Variants in ESRRG observed in about 807,000 individuals in gnomAD.
The protein encoded by ESRRG is estrogen related receptor gamma, also known as estrogen-related receptor gamma.
Under a neutral mutation model 44.0 loss-of-function variants are expected in ESRRG, and 13 were observed. The ratio of observed to expected loss-of-function variants is 0.30; its 90% CI spans 0.19 to 0.47. The LOEUF is 0.47. Among genes scored for constraint, ESRRG ranks in the 20% least tolerant of loss-of-function variants. The pLI is 1.00. For missense variants in ESRRG, 395 were observed against 580.6 expected (o/e 0.68, Z 3.29); for synonymous variants, 215 against 214.6 (o/e 1.00, Z -0.02).
At chr1:216,715,596 T>A (rs1232129515) in intron 1 of ESRRG, among the ~76,000 whole-genome samples, 1 of 152,166 alleles carries the variant, frequency 6.6e-6, no homozygotes, top group Non-Finnish European at 1.5e-5. Flanking sequence ...CCTCACAGTT[T>A]ATTTTTTTTC....
chr1:216,599,719 T>C (rs1306014396), intron 3 of ESRRG, among the ~76,000 whole-genome samples: 1 of 151,946 alleles, frequency 6.6e-6, no homozygotes, highest in Non-Finnish European at 1.5e-5. Flanking sequence ...TAACAAATGA[T>C]CCTTTCAAAT....
intron 2 of ESRRG, among the ~76,000 whole-genome samples, chr1:216,831,176 G>T (rs1271189664): frequency 6.6e-6 from 1 of 151,828 alleles, no homozygotes; most frequent in African/African-American, 2.4e-5. Flanking sequence ...GGAGGAGGAG[G>T]AGTTACGTGT....
intron 2 of ESRRG, among the ~76,000 whole-genome samples, chr1:216,655,570 G>T (rs1439827785): frequency 6.6e-6 from 1 of 152,180 alleles, no homozygotes; most frequent in Non-Finnish European, 1.5e-5. Context: ...AGTGGTCCTA[G>T]CATCTTCACA....
chr1:216,541,538 T>C (rs540788090), intron 5 of ESRRG, among the ~76,000 whole-genome samples: 3 of 150,168 alleles, frequency 2.0e-5, no homozygotes, highest in South Asian at 2.1e-4. Context: ...GGAAGCTCGC[T>C]CAGCTATTTG....
chr1:216,768,733 C>T (rs1014561881), intron 2 of ESRRG, among the ~76,000 whole-genome samples: 5 of 152,100 alleles, frequency 3.3e-5, no homozygotes, highest in Non-Finnish European at 7.4e-5. Flanking sequence ...CCAAGCAATC[C>T]TCCCTTCTTG....
chr1:217,056,441 A>C (rs1038075153), intron 1 of ESRRG, among the ~76,000 whole-genome samples: 2 of 152,100 alleles, frequency 1.3e-5, no homozygotes, highest in Non-Finnish European at 2.9e-5. Context: ...ATACTAAAAC[A>C]AATGCAAAAG....
chr1:217,036,623 TGGACACA>T (rs2082941875), intron 1 of ESRRG, among the ~76,000 whole-genome samples: 1 of 152,044 alleles, frequency 6.6e-6, no homozygotes, highest in South Asian at 2.1e-4. Context: ...TTAGAACACA[TGGACACA>T]TAGAGGAGAA....
intron 3 of ESRRG, among the ~76,000 whole-genome samples, chr1:216,628,099 G>C (rs1381162413): frequency 6.6e-6 from 1 of 152,144 alleles, no homozygotes; most frequent in Non-Finnish European, 1.5e-5. Context: ...ATATCTTCAT[G>C]ATTAGAATAA....
chr1:216,967,948 C>G (rs1384918514), intron 1 of ESRRG, among the ~76,000 whole-genome samples: 2 of 152,162 alleles, frequency 1.3e-5, no homozygotes, highest in East Asian at 1.9e-4. Context: ...AATAAGTGTA[C>G]AGTGGTATTT....
chr1:216,780,072 G>T (rs780204342), intron 2 of ESRRG, among the ~76,000 whole-genome samples: 2 of 151,278 alleles, frequency 1.3e-5, no homozygotes, highest in Non-Finnish European at 2.9e-5. Context: ...CTATGGCTGA[G>T]ATCTAAAAAA....
chr1:216,755,095 A>G (rs780955918), intron 2 of ESRRG, among the ~76,000 whole-genome samples: 3 of 152,020 alleles, frequency 2.0e-5, no homozygotes, highest in African/African-American at 4.8e-5. Context: ...CATAGCGGAT[A>G]TTTTATAGGT....
intron 1 of ESRRG, among the ~76,000 whole-genome samples, chr1:216,708,569 T>C (rs1258989516): frequency 1.3e-5 from 2 of 152,116 alleles, no homozygotes; most frequent in Admixed American, 1.3e-4. Flanking sequence ...AAACAGCAGA[T>C]GCTGGAGAGG....
intron 1 of ESRRG, among the ~76,000 whole-genome samples, chr1:216,682,620 G>A (rs1172653929): frequency 6.6e-6 from 1 of 151,698 alleles, no homozygotes; most frequent in African/African-American, 2.4e-5. Flanking sequence ...GAATCTATGG[G>A]GACTGGTTGA....
At chr1:216,785,341 A>T (rs1359814705) in intron 2 of ESRRG, among the ~76,000 whole-genome samples, 4 of 152,082 alleles carry the variant, frequency 2.6e-5, no homozygotes, top group Non-Finnish European at 5.9e-5. Flanking sequence ...GGAGGAGAGG[A>T]GGGAAAGCAG....
intron 2 of ESRRG, among the ~76,000 whole-genome samples, chr1:216,905,625 C>T (rs545635559): frequency 4.6e-5 from 7 of 152,286 alleles, no homozygotes; most frequent in East Asian, 3.9e-4. Context: ...TCTGTCTCCT[C>T]GTCATCACTG....
intron 1 of ESRRG, among the ~76,000 whole-genome samples, chr1:217,132,242 G>A (rs2092976841): frequency 6.6e-6 from 1 of 152,144 alleles, no homozygotes; most frequent in African/African-American, 2.4e-5. Flanking sequence ...TGATCCTCCT[G>A]CCTTGGCCTC....
At chr1:216,809,806 G>A (rs983578360) in intron 2 of ESRRG, among the ~76,000 whole-genome samples, 1 of 152,156 alleles carries the variant, frequency 6.6e-6, no homozygotes, top group African/African-American at 2.4e-5. Flanking sequence ...ATGTGGCACA[G>A]CTAAGGGGCA....
intron 1 of ESRRG, among the ~76,000 whole-genome samples, chr1:216,940,754 T>C (rs2065085511): frequency 6.6e-6 from 1 of 152,166 alleles, no homozygotes; most frequent in South Asian, 2.1e-4. Flanking sequence ...GACTGATAGC[T>C]TTCCCGCTTT....
chr1:216,608,075 T>A (rs1175937167), intron 3 of ESRRG, among the ~76,000 whole-genome samples: 1 of 152,224 alleles, frequency 6.6e-6, no homozygotes, highest in Non-Finnish European at 1.5e-5. Flanking sequence ...AACTGAGCAG[T>A]CCAATAAATG....
Sources: allele counts gnomAD v4.1 joint callset (sites outside exome capture counted in the v4.1 genomes callset), GRCh38; gene constraint gnomAD v4.1.1; transcripts MANE v1.5; gene names NCBI Gene and HGNC (gene_info 2026-07-23, HGNC 2026-07-21).